Variants in CTNND2 observed in about 807,000 individuals in gnomAD.
CTNND2 encodes the protein catenin delta 2.
CTNND2 carries 22 observed loss-of-function variants against 144.4 expected under a neutral mutation model. That is an observed-to-expected ratio of 0.15 (90% CI 0.11 to 0.22). The LOEUF (loss-of-function observed/expected upper bound fraction) is 0.22. Among genes scored for constraint, CTNND2 ranks in the 10% least tolerant of loss-of-function variants. The pLI is 1.00. For synonymous variants in CTNND2, 751 were observed against 695.6 expected (o/e 1.08, Z -1.25); for missense variants, 1,353 against 1,618.8 (o/e 0.84, Z 2.82).
intron 21 of CTNND2, among the ~76,000 whole-genome samples, chr5:10,976,850 G>C (rs1255381411): frequency 6.6e-6 from 1 of 152,202 alleles, no homozygotes; most frequent in Non-Finnish European, 1.5e-5. Context: ...AGTGTTCATA[G>C]AAAGACTCAG....
intron 15 of CTNND2, among the ~76,000 whole-genome samples, chr5:11,095,670 C>G (rs1404308116): frequency 1.3e-5 from 2 of 152,222 alleles, no homozygotes; most frequent in Non-Finnish European, 2.9e-5. Flanking sequence ...CTTAGCAGCT[C>G]AGAAGGAATC....
At chr5:11,709,730 G>A (rs1041773429) in intron 2 of CTNND2, among the ~76,000 whole-genome samples, 3 of 152,178 alleles carry the variant, frequency 2.0e-5, no homozygotes, top group Non-Finnish European at 4.4e-5. Flanking sequence ...TGCAAATGAT[G>A]CTGTCAGTAA....
chr5:11,176,786 C>T (rs935357790), intron 11 of CTNND2, among the ~76,000 whole-genome samples: 11 of 152,094 alleles, frequency 7.2e-5, no homozygotes, highest in Admixed American at 7.2e-4. Flanking sequence ...GTGCTCACCC[C>T]CTCTGTTTAT....
intron 18 of CTNND2, among the ~76,000 whole-genome samples, chr5:11,000,074 T>G (rs981822076): frequency 1.4e-4 from 21 of 152,170 alleles, no homozygotes; most frequent in Non-Finnish European, 2.9e-4. Context: ...CACTCTCCAT[T>G]TTATATTTCT....
At chr5:11,634,510 G>C (rs1042079199) in intron 2 of CTNND2, among the ~76,000 whole-genome samples, 14 of 152,190 alleles carry the variant, frequency 9.2e-5, no homozygotes, top group African/African-American at 2.7e-4. Flanking sequence ...TTGAGGATGA[G>C]GAGGTTACAA....
chr5:11,873,312 T>C (rs1735302245), intron 1 of CTNND2, among the ~76,000 whole-genome samples: 1 of 152,196 alleles, frequency 6.6e-6, no homozygotes, highest in Non-Finnish European at 1.5e-5. Flanking sequence ...ATGACTCAAA[T>C]TGATACTAAA....
At chr5:11,572,695 G>A (rs915518336) in intron 2 of CTNND2, among the ~76,000 whole-genome samples, 4 of 152,026 alleles carry the variant, frequency 2.6e-5, no homozygotes, top group Admixed American at 6.6e-5. Context: ...CCAGTGGCCC[G>A]CTACAGTCCC....
At chr5:11,434,751 T>G (rs1057415219) in intron 3 of CTNND2, among the ~76,000 whole-genome samples, 1 of 152,130 alleles carries the variant, frequency 6.6e-6, no homozygotes, top group African/African-American at 2.4e-5. Flanking sequence ...TTTCTGTATG[T>G]TTTTTACATA....
chr5:11,881,467 ATTCTACTCTCTACTTCCAT>A (rs1736105882), intron 1 of CTNND2, among the ~76,000 whole-genome samples: 1 of 151,994 alleles, frequency 6.6e-6, no homozygotes, highest in African/African-American at 2.4e-5. Context: ...GGTAACCACT[ATTCTACTCTCTACTTCCAT>A]GAGATGAAAT....
chr5:11,541,491 G>C (rs187030520), intron 3 of CTNND2, among the ~76,000 whole-genome samples: 1 of 152,236 alleles, frequency 6.6e-6, no homozygotes, highest in East Asian at 1.9e-4. Context: ...GGACATAGGA[G>C]GAGAGAACAC....
intron 11 of CTNND2, among the ~76,000 whole-genome samples, chr5:11,191,238 G>A (rs577223102): frequency 2.0e-5 from 3 of 152,134 alleles, no homozygotes; most frequent in East Asian, 1.9e-4. Context: ...TGCAATCTTC[G>A]TAGGGATAGG....
intron 12 of CTNND2, among the ~76,000 whole-genome samples, chr5:11,151,012 T>A (rs774611301): frequency 5.3e-5 from 8 of 152,346 alleles, no homozygotes; most frequent in South Asian, 4.1e-4. Context: ...AAGCTGGAGA[T>A]CTTCACTTAA....
At chr5:11,864,269 C>T (rs1795636823) in intron 1 of CTNND2, among the ~76,000 whole-genome samples, 1 of 151,952 alleles carries the variant, frequency 6.6e-6, no homozygotes, top group African/African-American at 2.4e-5. Flanking sequence ...ATTTTAACAG[C>T]AGACAAATGA....
intron 3 of CTNND2, among the ~76,000 whole-genome samples, chr5:11,419,814 A>C (rs1762222954): frequency 6.6e-6 from 1 of 152,224 alleles, no homozygotes; most frequent in Non-Finnish European, 1.5e-5. Context: ...TCCATCTGTT[A>C]TGAACCTGCT....
At chr5:11,671,769 C>T (rs865970549) in intron 2 of CTNND2, among the ~76,000 whole-genome samples, 1 of 152,032 alleles carries the variant, frequency 6.6e-6, no homozygotes, top group Non-Finnish European at 1.5e-5. Context: ...CCTTCTGAAG[C>T]CTACTTCTGT....
intron 3 of CTNND2, among the ~76,000 whole-genome samples, chr5:11,470,344 G>C (rs1767075617): frequency 6.6e-6 from 1 of 152,100 alleles, no homozygotes; most frequent in Non-Finnish European, 1.5e-5. Context: ...TGAGGCAGGA[G>C]GATTGCTTGA....
At chr5:11,339,526 A>G (rs867112186) in intron 9 of CTNND2, among the ~76,000 whole-genome samples, 2 of 152,304 alleles carry the variant, frequency 1.3e-5, no homozygotes, top group Middle Eastern at 3.4e-3. Context: ...CTGTGAGATG[A>G]TAAGTTTCTC....
intron 3 of CTNND2, among the ~76,000 whole-genome samples, chr5:11,413,259 C>T (rs942331239): frequency 6.6e-6 from 1 of 152,052 alleles, no homozygotes; most frequent in Non-Finnish European, 1.5e-5. Context: ...CATATAACTA[C>T]AAAGTTTAGC....
At chr5:11,418,402 G>A (rs139481058) in intron 3 of CTNND2, among the ~76,000 whole-genome samples, 6,029 of 152,050 alleles carry the variant, frequency 0.04, 292 homozygotes, top group East Asian at 0.11. Context: ...GTGAAACTCC[G>A]TCTCAAAAAC....
Sources: gnomAD v4.1 joint callset for allele counts (sites outside exome capture counted in the v4.1 genomes callset) on GRCh38, gnomAD v4.1.1 for gene constraint, MANE v1.5 for transcripts, NCBI Gene and HGNC (gene_info 2026-07-23, HGNC 2026-07-21) for gene names.